The following KCNT2 variants were observed in gnomAD, a reference collection of about 807,000 sequenced individuals.
KCNT2 encodes potassium channel subfamily T member 2.
A neutral mutation model predicts 153.8 loss-of-function variants in KCNT2; 67 were observed. That is an observed-to-expected ratio of 0.44 (90% CI 0.36 to 0.53). The LOEUF is 0.53. Among genes scored for constraint, KCNT2 ranks in the 20% least tolerant of loss-of-function variants. KCNT2 has a pLI of 0.00. For synonymous variants in KCNT2, 500 were observed against 458.8 expected (o/e 1.09, Z -1.15); for missense variants, 975 against 1,354.8 (o/e 0.72, Z 4.40).
intron 22 of KCNT2, among the ~76,000 whole-genome samples, chr1:196,304,546 G>T (rs1434221279): frequency 6.6e-6 from 1 of 151,970 alleles, no homozygotes; most frequent in Non-Finnish European, 1.5e-5. Context: ...ATAAGACTGG[G>T]TCTTTTTTTT....
intron 1 of KCNT2, among the ~76,000 whole-genome samples, chr1:196,571,457 T>C (rs1660765317): frequency 6.6e-6 from 1 of 152,072 alleles, no homozygotes; most frequent in Admixed American, 6.6e-5. Flanking sequence ...AGAATGAATA[T>C]AAGAAGCCCT....
intron 14 of KCNT2, among the ~76,000 whole-genome samples, chr1:196,350,483 C>G (rs1161963345): frequency 6.6e-6 from 1 of 151,976 alleles, no homozygotes; most frequent in African/African-American, 2.4e-5. Flanking sequence ...TTTCATGTGT[C>G]TTTTGGCTGC....
chr1:196,494,846 T>C (rs1048527986), intron 1 of KCNT2, among the ~76,000 whole-genome samples: 3 of 152,134 alleles, frequency 2.0e-5, no homozygotes, highest in Non-Finnish European at 2.9e-5. Context: ...CTCTATTAAA[T>C]AGAATATTAG....
At chr1:196,421,046 G>T (rs1378285123) in intron 12 of KCNT2, among the ~76,000 whole-genome samples, 1 of 151,982 alleles carries the variant, frequency 6.6e-6, no homozygotes, top group African/African-American at 2.4e-5. Context: ...TTGAGGTTCG[G>T]TTGCAAAACG....
At chr1:196,581,073 C>T (rs369505498) in intron 1 of KCNT2, among the ~76,000 whole-genome samples, 27 of 151,984 alleles carry the variant, frequency 1.8e-4, no homozygotes, top group Non-Finnish European at 3.2e-4. Flanking sequence ...ATTTACAAAA[C>T]GTACAGTTTT....
chr1:196,538,645 C>T (rs1196272966), intron 1 of KCNT2, among the ~76,000 whole-genome samples: 2 of 152,072 alleles, frequency 1.3e-5, no homozygotes, highest in African/African-American at 4.8e-5. Flanking sequence ...CCTCATGTAG[C>T]ATGGTTACAT....
At position 196,230,614 on chromosome 1, in the gene KCNT2, T is replaced by C. The variant is rs190665386; in HGVS notation, c.3297-2279A>G. Among the ~76,000 whole-genome samples, 180 of 152,074 alleles carry C rather than the reference T, an allele frequency of 1.2e-3. 1 individual carries two copies. Among genetic ancestry groups the C allele is most frequent in the African/African-American group, 4.2e-3 (174 of 41,516 alleles). On this transcript the variant is annotated intron_variant, in intron 27 of 27. Coordinates refer to ENST00000294725, the MANE Select transcript of KCNT2 (RefSeq NM_198503.5). ...AGAAGTTGACTCCAACCCTTATCGA[T>C]GACTTTGAGGGGATCAAGACTTCAA...
intron 4 of KCNT2, 51 bp from the exon 5 acceptor site, chr1:196,479,289 A>G (rs188528520): frequency 8.5e-5 from 92 of 1,084,180 alleles, no homozygotes; most frequent in Admixed American, 7.9e-4. Context: ...ATTAAATTAT[A>G]TATATTCTTG....
intron 13 of KCNT2, among the ~76,000 whole-genome samples, chr1:196,393,370 GTT>G (rs1670649926): frequency 6.6e-6 from 1 of 151,424 alleles, no homozygotes; most frequent in African/African-American, 2.4e-5. Flanking sequence ...GAGATATTGT[GTT>G]TATCTAAATT....
intron 1 of KCNT2, among the ~76,000 whole-genome samples, chr1:196,601,816 TAA>T (rs1379716803): frequency 6.6e-6 from 1 of 152,214 alleles, no homozygotes; most frequent in South Asian, 2.1e-4. Context: ...ATATTTTATC[TAA>T]AAGTCTTATT....
intron 6 of KCNT2, 36 bp from the exon 7 acceptor site, chr1:196,467,822 C>T: frequency 7.3e-7 from 1 of 1,366,248 alleles, no homozygotes; most frequent in Non-Finnish European, 1.0e-6. Flanking sequence ...AGACTTTTAT[C>T]TCAAAGCAAT....
At chr1:196,547,015 A>C (rs1037908538) in intron 1 of KCNT2, among the ~76,000 whole-genome samples, 2 of 151,992 alleles carry the variant, frequency 1.3e-5, no homozygotes, top group African/African-American at 4.8e-5. Context: ...AAAATACAAG[A>C]ATTATCTACA....
chr1:196,557,455 G>A (rs944292705), intron 1 of KCNT2, among the ~76,000 whole-genome samples: 5 of 150,912 alleles, frequency 3.3e-5, no homozygotes, highest in African/African-American at 4.8e-5. Context: ...GAATCTAATG[G>A]TCTCAGTGAA....
intron 1 of KCNT2, among the ~76,000 whole-genome samples, chr1:196,578,799 G>A (rs7544266): frequency 0.93 from 140,805 of 152,180 alleles, 65,211 homozygotes; most frequent in South Asian, 0.99. Context: ...TCCTCAGGCA[G>A]CAAATCCTGT....
At chr1:196,593,327 C>T (rs1418963709) in intron 1 of KCNT2, among the ~76,000 whole-genome samples, 4 of 148,486 alleles carry the variant, frequency 2.7e-5, no homozygotes, top group South Asian at 2.1e-4. Context: ...CACACACACA[C>T]ACACACACAC....
intron 1 of KCNT2, among the ~76,000 whole-genome samples, chr1:196,553,622 A>G (rs1012742298): frequency 2.0e-5 from 3 of 151,214 alleles, no homozygotes; most frequent in Non-Finnish European, 4.5e-5. Context: ...CTTAATGTGC[A>G]CTATAGAGCA....
chr1:196,344,113 T>C (rs530322362), intron 14 of KCNT2, among the ~76,000 whole-genome samples: 36 of 152,302 alleles, frequency 2.4e-4, no homozygotes, highest in African/African-American at 7.7e-4. Flanking sequence ...TATTTAACTT[T>C]TCAGTGATTC....
chr1:196,493,930 G>A (rs1471712226), intron 1 of KCNT2, among the ~76,000 whole-genome samples: 1 of 152,000 alleles, frequency 6.6e-6, no homozygotes, highest in East Asian at 1.9e-4. Context: ...ATTCTCTTTA[G>A]TTAATACCTT....
At chr1:196,448,036 A>G (rs531578564) in intron 8 of KCNT2, among the ~76,000 whole-genome samples, 4 of 151,784 alleles carry the variant, frequency 2.6e-5, no homozygotes, top group African/African-American at 9.6e-5. Context: ...ATAAAGTTGA[A>G]TCTTGGAAAA....
Sources: gnomAD v4.1 joint callset for allele counts (sites outside exome capture counted in the v4.1 genomes callset) on GRCh38, gnomAD v4.1.1 for gene constraint, MANE v1.5 for transcripts, NCBI Gene and HGNC (gene_info 2026-07-23, HGNC 2026-07-21) for gene names.